PDSS2: variants seen among roughly 807,000 people sequenced by gnomAD.
PDSS2 encodes decaprenyl diphosphate synthase subunit 2.
Under a neutral mutation model 44.5 loss-of-function variants are expected in PDSS2, and 31 were observed. The ratio of observed to expected loss-of-function variants is 0.70; its 90% CI spans 0.52 to 0.94. The LOEUF (loss-of-function observed/expected upper bound fraction) is 0.94. PDSS2 is among the 40% of genes least tolerant of loss of function. PDSS2 has a pLI of 0.00. For missense variants in PDSS2, 452 were observed against 482.2 expected (o/e 0.94, Z 0.59); for synonymous variants, 157 against 180.3 (o/e 0.87, Z 1.03).
intron 2 of PDSS2, among the ~76,000 whole-genome samples, chr6:107,310,304 AAG>A (rs1277451301): frequency 7.0e-6 from 1 of 143,860 alleles, no homozygotes; most frequent in East Asian, 2.0e-4. Context: ...AAAAAAAAAA[AAG>A]AGAAAGAAAT....
chr6:107,273,071 G>A (rs1775657643), intron 3 of PDSS2, among the ~76,000 whole-genome samples: 1 of 152,054 alleles, frequency 6.6e-6, no homozygotes, highest in Admixed American at 6.6e-5. Context: ...TGCAACCTCT[G>A]CCTCCCGGGT....
At chr6:107,257,910 C>T (rs1326174691) in intron 3 of PDSS2, among the ~76,000 whole-genome samples, 1 of 152,220 alleles carries the variant, frequency 6.6e-6, no homozygotes, top group South Asian at 2.1e-4. Context: ...AGCCACCACT[C>T]CTGTCCCAGT....
At chr6:107,328,834 G>T (rs996495854) in intron 2 of PDSS2, among the ~76,000 whole-genome samples, 1 of 152,150 alleles carries the variant, frequency 6.6e-6, no homozygotes, top group African/African-American at 2.4e-5. Flanking sequence ...ACACTTATTT[G>T]ATCCCAGAAC....
At chr6:107,276,018 G>C (rs1393111392) in intron 2 of PDSS2, among the ~76,000 whole-genome samples, 2 of 149,782 alleles carry the variant, frequency 1.3e-5, no homozygotes, top group Non-Finnish European at 3.0e-5. Context: ...TACTTGGGAG[G>C]CTGAGGTGGG....
Position 107,328,343 on chromosome 6 carries a change from A to G in PDSS2, c.431+5855T>C, listed in dbSNP as rs1042577187. Among the ~76,000 whole-genome samples the G allele has an allele frequency of 2.6e-5, 4 of 152,220 alleles. No individual in the cohort carries two copies. In the East Asian group the frequency reaches 7.7e-4, roughly 29 times the overall value. Reference sequence around the variant, plus strand: ...AACCCAGACAATTTATAACCAATATACATATTTCTTCCTCTACTTGACTAC... The same window carrying G: ...AACCCAGACAATTTATAACCAATATGCATATTTCTTCCTCTACTTGACTAC... On this transcript the variant is annotated intron_variant, in intron 2 of 7. Coordinates refer to ENST00000369037, the MANE Select transcript of PDSS2 (RefSeq NM_020381.4).
chr6:107,337,850 T>C (rs1777954317), intron 1 of PDSS2, among the ~76,000 whole-genome samples: 1 of 152,076 alleles, frequency 6.6e-6, no homozygotes, highest in Non-Finnish European at 1.5e-5. Context: ...ATTATCTCAA[T>C]GATAATCATG....
At chr6:107,293,115 C>T (rs926263297) in intron 2 of PDSS2, among the ~76,000 whole-genome samples, 5 of 152,264 alleles carry the variant, frequency 3.3e-5, no homozygotes, top group Non-Finnish European at 7.4e-5. Context: ...GAAAGCCCTC[C>T]GTACTCTACC....
At chr6:107,273,893 C>T in intron 3 of PDSS2, 136 bp downstream of exon 3, 1 of 725,448 alleles carries the variant, frequency 1.4e-6, no homozygotes, top group Non-Finnish European at 2.5e-6. Context: ...TCATTATGTT[C>T]ATCACAGTTT....
chr6:107,156,238 C>T (rs1478135142), intron 7 of PDSS2, among the ~76,000 whole-genome samples: 4 of 139,404 alleles, frequency 2.9e-5, no homozygotes, highest in African/African-American at 1.0e-4. Context: ...CTCGCTCTGT[C>T]ACCCAGGCTG....
chr6:107,249,273 C>T (rs1275070409), intron 3 of PDSS2, among the ~76,000 whole-genome samples: 1 of 152,122 alleles, frequency 6.6e-6, no homozygotes, highest in Non-Finnish European at 1.5e-5. Context: ...TCAGTACAAG[C>T]CTTGCGTAGA....
chr6:107,190,290 C>T (rs1003220093), intron 7 of PDSS2, among the ~76,000 whole-genome samples: 1 of 152,130 alleles, frequency 6.6e-6, no homozygotes, highest in Non-Finnish European at 1.5e-5. Flanking sequence ...CTTTCCTTTC[C>T]TCTCTGCCTT....
chr6:107,282,221 AGGCTATAG>A (rs771061185), intron 2 of PDSS2, among the ~76,000 whole-genome samples: 11 of 152,130 alleles, frequency 7.2e-5, no homozygotes, highest in Non-Finnish European at 1.5e-4. Context: ...TAATGTATAA[AGGCTATAG>A]GGCATCACTA....
At chr6:107,368,818 G>A (rs1779042254) in intron 1 of PDSS2, among the ~76,000 whole-genome samples, 1 of 152,052 alleles carries the variant, frequency 6.6e-6, no homozygotes. Flanking sequence ...AATTGATAAG[G>A]TGATTATAAA....
intron 2 of PDSS2, among the ~76,000 whole-genome samples, chr6:107,283,343 A>T (rs972481112): frequency 1.3e-5 from 2 of 151,612 alleles, no homozygotes; most frequent in African/African-American, 2.4e-5. Context: ...GAAAAAAGAA[A>T]AAAAGAAAAA....
intron 3 of PDSS2, among the ~76,000 whole-genome samples, chr6:107,259,800 GA>G (rs1775153331): frequency 6.6e-6 from 1 of 152,120 alleles, no homozygotes; most frequent in Admixed American, 6.5e-5. Flanking sequence ...TCATCTCTAG[GA>G]ATGTAAAATA....
At chr6:107,170,414 C>T (rs1554248254) in intron 7 of PDSS2, among the ~76,000 whole-genome samples, 1 of 152,180 alleles carries the variant, frequency 6.6e-6, no homozygotes, top group Admixed American at 6.5e-5. Context: ...TCCCTGACCC[C>T]TTGCACTTCC....
intron 1 of PDSS2, among the ~76,000 whole-genome samples, chr6:107,379,238 A>G (rs542045187): frequency 6.6e-6 from 1 of 152,330 alleles, no homozygotes; most frequent in East Asian, 1.9e-4. Context: ...TTATAAAATA[A>G]TATCTGGCTT....
At chr6:107,385,357 T>A (rs906821429) in intron 1 of PDSS2, among the ~76,000 whole-genome samples, 3 of 151,720 alleles carry the variant, frequency 2.0e-5, no homozygotes, top group African/African-American at 7.3e-5. Context: ...AAAATCTTCA[T>A]ACAGAAAACC....
intron 7 of PDSS2, among the ~76,000 whole-genome samples, chr6:107,176,336 C>G (rs1410801700): frequency 2.0e-5 from 3 of 151,924 alleles, no homozygotes; most frequent in Non-Finnish European, 4.4e-5. Flanking sequence ...CCCCTGCGCC[C>G]GGCCAAAACA....
Sources: allele counts gnomAD v4.1 joint callset (sites outside exome capture counted in the v4.1 genomes callset), GRCh38; gene constraint gnomAD v4.1.1; transcripts MANE v1.5; gene names NCBI Gene and HGNC (gene_info 2026-07-23, HGNC 2026-07-21).